SDK2: variants seen among roughly 807,000 people sequenced by gnomAD.
The protein encoded by SDK2 is protein sidekick-2.
Under a neutral mutation model 253.9 loss-of-function variants are expected in SDK2, and 105 were observed. That is an observed-to-expected ratio of 0.41 (90% CI 0.35 to 0.49). The LOEUF (loss-of-function observed/expected upper bound fraction) is 0.49, where lower values mean the gene tolerates loss of function less well. Among genes scored for constraint, SDK2 ranks in the 20% least tolerant of loss-of-function variants. SDK2 has a pLI of 0.06. For missense variants in SDK2, 2,608 were observed against 3,003.0 expected, an observed-to-expected ratio of 0.87 and a Z score of 3.07; for synonymous variants, 1,249 against 1,234.9, an observed-to-expected ratio of 1.01 and a Z score of -0.24.
intron 1 of SDK2, among the ~76,000 whole-genome samples, chr17:73,578,221 G>C (rs1316240387): frequency 6.6e-6 from 1 of 151,976 alleles, no homozygotes; most frequent in African/African-American, 2.4e-5. Flanking sequence ...CACCATACCT[G>C]GCTAATGTTT....
Position 73,352,251 on chromosome 17 carries a change from G to A in SDK2, c.5758+222C>T, listed in dbSNP as rs73343836. ...CAGGGCTTCTGGAGTTCCTTGAAAG[G>A]GAGCCCCAAAGATGAAGATCCCTAG... is the stretch of plus-strand genomic sequence containing the variant. On this transcript the variant is annotated intron_variant, in intron 41 of 44. Transcript: ENST00000392650. This position sits in a 1 kb window ranked among gnomAD's most constrained non-coding sequence, Gnocchi z 4.1. Among the ~76,000 whole-genome samples, 13,969 of 152,178 alleles carry A rather than the reference G, an allele frequency of 0.092. 735 individuals carry two copies. Among genetic ancestry groups the A allele is most frequent in the South Asian group, 0.2 (986 of 4,824 alleles).
intron 1 of SDK2, among the ~76,000 whole-genome samples, chr17:73,590,448 C>T (rs1232812226): frequency 6.6e-6 from 1 of 152,238 alleles, no homozygotes; most frequent in African/African-American, 2.4e-5. Context: ...CCCGCACCAC[C>T]TGCTGTGCAA....
chr17:73,526,305 A>G (rs1196035220), intron 1 of SDK2, among the ~76,000 whole-genome samples: 3 of 152,168 alleles, frequency 2.0e-5, no homozygotes, highest in Non-Finnish European at 4.4e-5. Flanking sequence ...GGGCCGCAAG[A>G]GCAGGCCTGG....
Position 73,422,341 on chromosome 17 carries a change from C to T in SDK2, c.1991G>A (p.Arg664His), listed in dbSNP as rs370624729. The T allele has an allele frequency of 1.4e-4, 222 of 1,613,972 alleles. No homozygotes were observed. Among genetic ancestry groups the T allele is most frequent in the Admixed American group, 2.7e-4 (16 of 60,018 alleles). Residue 664 changes from arginine (R) to histidine (H), a missense_variant, in exon 15 of 45, where the codon CGT (arginine) becomes CAT (histidine). Transcript: ENST00000392650. ...GLVPARSYQF[R>H]LCAVNDVGKG... Reference sequence around the variant, plus strand: ...CCCCACGTCGTTGACGGCACAAAGACGGAACTGGTAGGAGCGTGCAGGAAC... The same window carrying T: ...CCCCACGTCGTTGACGGCACAAAGATGGAACTGGTAGGAGCGTGCAGGAAC...
At chr17:73,456,157 C>T in intron 3 of SDK2, 104 bp from the exon 4 acceptor site, 1 of 1,296,228 alleles carries the variant, frequency 7.7e-7, no homozygotes, top group African/African-American at 1.5e-5. Context: ...AAATTCGGGG[C>T]AGACAGGATG....
chr17:73,501,417 C>A (rs1422039056), intron 2 of SDK2, among the ~76,000 whole-genome samples: 1 of 152,264 alleles, frequency 6.6e-6, no homozygotes, highest in Non-Finnish European at 1.5e-5. Context: ...GGCCGTGGGG[C>A]CAGTGTCCAC....
chr17:73,365,303 G>A lies in SDK2; in HGVS notation c.5260C>T (p.Leu1754=). 1.9e-6 allele frequency: 3 copies of A among 1,613,352 alleles called. No individual in the cohort carries two copies. Among genetic ancestry groups the A allele is most frequent in the Non-Finnish European group, 2.5e-6 (3 of 1,179,658 alleles). The change falls in exon 38 of 45, where the codon CTG becomes TTG. Residue 1754 remains leucine, a synonymous_variant. Coordinates refer to ENST00000392650, the MANE Select transcript of SDK2 (RefSeq NM_001144952.2). ...WEAPQFPNGI[L]EGYRLVYEPC... ...TCGTACACCAGCCTGTAGCCCTCCA[G>A]GATGCCATTGGGGAACTGCGGGGCT...
intron 4 of SDK2, among the ~76,000 whole-genome samples, chr17:73,449,192 G>T (rs1486961386): frequency 2.6e-5 from 4 of 152,174 alleles, no homozygotes; most frequent in South Asian, 2.1e-4. Context: ...GTGCAATGGA[G>T]CCAGAAGCGC....
chr17:73,388,060 G>A (rs1334383477), intron 29 of SDK2, 23 bp from the exon 30 acceptor site: 5 of 1,544,034 alleles, frequency 3.2e-6, no homozygotes, highest in Middle Eastern at 1.9e-4. Flanking sequence ...AGAGGGGGAG[G>A]AGCAGGTGAG....
intron 3 of SDK2, among the ~76,000 whole-genome samples, chr17:73,471,891 C>T (rs1276526183): frequency 1.3e-5 from 2 of 152,222 alleles, no homozygotes; most frequent in South Asian, 2.1e-4. Context: ...AGCAGATGTG[C>T]ATGAGACTTA....
chr17:73,384,693 GC>G (rs2062857971), intron 32 of SDK2, among the ~76,000 whole-genome samples: 2 of 152,224 alleles, frequency 1.3e-5, no homozygotes, highest in African/African-American at 4.8e-5. Flanking sequence ...GGTGGCATGT[GC>G]CTGTAGTCTT....
chr17:73,384,071 G>A (rs951384762), intron 32 of SDK2, 60 bp from the exon 33 acceptor site: 57 of 1,562,648 alleles, frequency 3.6e-5, no homozygotes, highest in Non-Finnish European at 4.4e-5. Flanking sequence ...CCCTCCCCAC[G>A]CTCTCTCATC....
At chr17:73,391,083 G>A (rs35134850) in intron 28 of SDK2, among the ~76,000 whole-genome samples, 49,322 of 152,098 alleles carry the variant, frequency 0.32, 8,863 homozygotes, top group African/African-American at 0.47. Context: ...CCTCCTGTGC[G>A]CCTTGAGACT....
chr17:73,587,533 G>GT (rs1382712312), intron 1 of SDK2, among the ~76,000 whole-genome samples: 2 of 152,218 alleles, frequency 1.3e-5, no homozygotes, highest in African/African-American at 4.8e-5. Flanking sequence ...CACGTTATCT[G>GT]TGTTACTGGG....
In SDK2 at chr17:73,438,276, C is replaced by CT; in HGVS notation, c.726-123dup. On this transcript the variant is annotated intron_variant, in intron 6 of 44. Transcript: ENST00000392650. ...CGGGCTGCCTGGGTTTGCCACCTTC[C>CT]TGCCACTTTGTAGATGCAAGATCTT... is the stretch of plus-strand genomic sequence containing the variant. 9 of 844,110 alleles carry CT rather than the reference C, an allele frequency of 1.1e-5. 1 individual carries two copies. The South Asian group carries it at 1.6e-4, about 15-fold the overall frequency. The allele number at this position is 844,110 out of a possible 1,614,324, so 52.3% of individuals were successfully genotyped here.
chr17:73,457,300 T>TC (rs1599584620), intron 3 of SDK2, among the ~76,000 whole-genome samples: 588 of 16,068 alleles, frequency 0.037, 41 homozygotes, highest in East Asian at 0.34. Context: ...CCTCCCTCCC[T>TC]CCCCCTCCCC....
rs374102014 is a variant in SDK2 at position 73,401,756 on chromosome 17, C to A, written c.2681-4G>T. ...AGGTGTCCCACGGGCCCAGGCACTG[C>A]ACCCCAAAAGGAACCCCCACCCCCC... is the stretch of plus-strand genomic sequence containing the variant. On this transcript the variant is annotated splice_region_variant and splice_polypyrimidine_tract_variant and intron_variant, in intron 19 of 44. Transcript: ENST00000392650. 1 of 1,569,600 alleles carries A rather than the reference C, an allele frequency of 6.4e-7. No individual in the cohort carries two copies. The highest frequency in any genetic ancestry group is 1.2e-5 in the South Asian group (1 of 85,504).
At chr17:73,339,836 C>A (rs980897819) in intron 44 of SDK2, among the ~76,000 whole-genome samples, 1 of 151,928 alleles carries the variant, frequency 6.6e-6, no homozygotes, top group Non-Finnish European at 1.5e-5. Context: ...GGATTACAGG[C>A]GTGAGCTACT....
intron 1 of SDK2, among the ~76,000 whole-genome samples, chr17:73,548,458 C>T (rs1034494980): frequency 6.6e-6 from 1 of 152,254 alleles, no homozygotes; most frequent in Non-Finnish European, 1.5e-5. Flanking sequence ...GCTCCCCCTG[C>T]AGCTTCCTAG....
Sources: allele counts gnomAD v4.1 joint callset (sites outside exome capture counted in the v4.1 genomes callset), GRCh38; gene constraint gnomAD v4.1.1; non-coding constraint Gnocchi (gnomAD v3.1); transcripts MANE v1.5; gene names NCBI Gene and HGNC (gene_info 2026-07-23, HGNC 2026-07-21).